Variants in HMGCL observed in about 807,000 individuals in gnomAD.
HMGCL encodes the protein 3-hydroxy-3-methylglutaryl-CoA lyase.
HMGCL carries 26 observed loss-of-function variants against 37.3 expected under a neutral mutation model. That is an observed-to-expected ratio of 0.70 (90% confidence interval 0.51 to 0.97). The LOEUF (loss-of-function observed/expected upper bound fraction) is 0.97. Among genes scored for constraint, HMGCL ranks in the 50% least tolerant of loss-of-function variants. HMGCL has a pLI of 0.00. For synonymous variants in HMGCL, 151 were observed against 148.0 expected, an observed-to-expected ratio of 1.02 and a Z score of -0.15; for missense variants, 379 against 398.1, an observed-to-expected ratio of 0.95 and a Z score of 0.41.
intron 3 of HMGCL, among the ~76,000 whole-genome samples, chr1:23,817,248 G>C (rs1638628545): frequency 6.6e-6 from 1 of 152,182 alleles, no homozygotes. Flanking sequence ...CTGAGGAGGG[G>C]AAGGCCTTAG....
At chr1:23,824,543 C>T (rs940198136) in intron 1 of HMGCL, among the ~76,000 whole-genome samples, 5 of 152,062 alleles carry the variant, frequency 3.3e-5, no homozygotes, top group Admixed American at 2.0e-4. Context: ...TGTATTTTTC[C>T]CTCTATACAG....
At position 23,808,268 on chromosome 1, in the gene HMGCL, A is replaced by G. The variant is rs369793382; in HGVS notation, c.617T>C (p.Ile206Thr). 6.8e-6 allele frequency: 11 copies of G among 1,614,012 alleles called. No individual in the cohort carries two copies. Among genetic ancestry groups the G allele is most frequent in the Middle Eastern group, 3.3e-4 (2 of 6,062 alleles). Reference sequence around the variant, plus strand: ...CATGATCCCTGGGGTGCCCACACCAATGGTGTCCCCCAGGGAGATCTCGTA... The same window carrying G: ...CATGATCCCTGGGGTGCCCACACCAGTGGTGTCCCCCAGGGAGATCTCGTA... ...GCYEISLGDT[I>T]GVGTPGIMKD... Residue 206 changes from isoleucine to threonine, a missense_variant, in exon 7 of 9, where the codon ATT becomes ACT. Transcript: ENST00000374490.
intron 6 of HMGCL, 43 bp from the exon 7 acceptor site, chr1:23,808,366 G>A: frequency 1.3e-6 from 2 of 1,530,402 alleles, no homozygotes; most frequent in Non-Finnish European, 1.8e-6. Flanking sequence ...GAATCCACCA[G>A]CCAGGGGATC....
chr1:23,801,992 T>G lies in HMGCL; in HGVS notation c.*471A>C. The G allele has an allele frequency of 7.0e-6, 3 of 430,322 alleles. No homozygotes were observed. The highest frequency in any genetic ancestry group is 1.2e-5 in the Non-Finnish European group (3 of 243,182). The allele number at this position is 430,322 out of a possible 1,614,324, so 26.7% of individuals were successfully genotyped here. A position where few individuals can be genotyped will look rare whatever the true frequency, so the allele number is the denominator to read the frequency against. On this transcript the variant is annotated 3_prime_UTR_variant, in exon 9 of 9. Coordinates refer to ENST00000374490, the MANE Select transcript of HMGCL (RefSeq NM_000191.3). ...AGTTGGCAGACGGCCACCACGTAGC[T>G]CTCCACTTTCCACAAATGGCCTCTG...
intron 2 of HMGCL, among the ~76,000 whole-genome samples, chr1:23,818,556 A>T (rs902564694): frequency 5.4e-4 from 80 of 149,066 alleles, no homozygotes; most frequent in African/African-American, 1.9e-3. Context: ...TTTCCACAAA[A>T]TTTTTTTTTT....
chr1:23,804,885 C>A (rs1188846220), intron 7 of HMGCL, among the ~76,000 whole-genome samples: 4 of 130,512 alleles, frequency 3.1e-5, no homozygotes, highest in Non-Finnish European at 3.3e-5. Flanking sequence ...TACCCCCCCC[C>A]CACTTACCCC....
rs1426180500 is a variant in HMGCL, at chr1:23,816,038, C to A, written c.348+637G>T. ...GTCTCAAGCCATCCTGTGCCTCAGT[C>A]TCCCGAGTAGCTAGGACTACAGGTG... On this transcript the variant is annotated intron_variant, in intron 4 of 8. Transcript: ENST00000374490. Among the ~76,000 whole-genome samples the A allele has an allele frequency of 6.3e-4, 96 of 151,576 alleles. 1 individual carries two copies. The highest frequency in any genetic ancestry group is 8.8e-5 in the Non-Finnish European group (6 of 67,932).
chr1:23,813,370 A>T (rs1638556881), intron 5 of HMGCL, among the ~76,000 whole-genome samples: 1 of 150,406 alleles, frequency 6.6e-6, no homozygotes, highest in African/African-American at 2.5e-5. Flanking sequence ...AAGTAGATGG[A>T]ATTACAGCTA....
chr1:23,808,742 CTTTTTT>C (rs56215335), intron 6 of HMGCL, among the ~76,000 whole-genome samples: 1 of 104,270 alleles, frequency 9.6e-6, no homozygotes, highest in Non-Finnish European at 1.9e-5. Context: ...TATTTTTTTT[CTTTTTT>C]TTTTTTTTTT....
chr1:23,819,005 C>CCA (rs1215738981), intron 2 of HMGCL, among the ~76,000 whole-genome samples: 1 of 21,090 alleles, frequency 4.7e-5, no homozygotes, highest in East Asian at 1.1e-3. Flanking sequence ...GATGGACGTG[C>CCA]TAAAAAAAAA....
At chr1:23,813,881 T>C (rs1048793421) in intron 5 of HMGCL, 5 of 424,774 alleles carry the variant, frequency 1.2e-5, no homozygotes, top group Non-Finnish European at 2.2e-5. Context: ...GCAGTGGTGC[T>C]ATCATGGCTC....
At chr1:23,809,330 C>A (rs1396411622) in intron 6 of HMGCL, 11 of 150,424 alleles carry the variant, frequency 7.3e-5, no homozygotes, top group African/African-American at 1.2e-4. Context: ...GCTCCGCCTC[C>A]CGGGTTCACG....
chr1:23,815,669 G>A (rs1024643708), intron 4 of HMGCL, among the ~76,000 whole-genome samples: 3 of 151,494 alleles, frequency 2.0e-5, no homozygotes, highest in Non-Finnish European at 2.9e-5. Context: ...CTAATTTTTT[G>A]TATTTTTAGT....
At chr1:23,811,201 C>G (rs1279963879) in intron 5 of HMGCL, among the ~76,000 whole-genome samples, 1 of 152,166 alleles carries the variant, frequency 6.6e-6, no homozygotes, top group African/African-American at 2.4e-5. Context: ...AAACTCAGAA[C>G]AAGAGCTGAG....
chr1:23,808,462 A>AC (rs1638453517), intron 6 of HMGCL, 139 bp from the exon 7 acceptor site: 2 of 751,130 alleles, frequency 2.7e-6, no homozygotes, highest in Non-Finnish European at 4.8e-6. Flanking sequence ...CATGCTCCTC[A>AC]CCACTCCAAC....
At chr1:23,804,654 C>G (rs987768076) in intron 7 of HMGCL, 129 bp from the exon 8 acceptor site, 5 of 1,007,498 alleles carry the variant, frequency 5.0e-6, no homozygotes, top group Admixed American at 2.0e-5. Flanking sequence ...GCTTATGATT[C>G]TGTTGACATG....
At chr1:23,825,004 T>C (rs575104861) in intron 1 of HMGCL, among the ~76,000 whole-genome samples, 94 of 152,212 alleles carry the variant, frequency 6.2e-4, no homozygotes, top group Admixed American at 1.2e-3. Flanking sequence ...AATGGAAGCG[T>C]GTTCTTGATT....
At chr1:23,821,614 G>A (rs575971292) in intron 1 of HMGCL, among the ~76,000 whole-genome samples, 2 of 152,144 alleles carry the variant, frequency 1.3e-5, no homozygotes, top group South Asian at 2.1e-4. Context: ...AGCTATGACT[G>A]TGCCACTACA....
At chr1:23,808,742 C>CT (rs56215335) in intron 6 of HMGCL, among the ~76,000 whole-genome samples, 52 of 104,266 alleles carry the variant, frequency 5.0e-4, no homozygotes, top group South Asian at 1.9e-3. Context: ...TATTTTTTTT[C>CT]TTTTTTTTTT....
Sources: gnomAD v4.1 joint callset for allele counts (sites outside exome capture counted in the v4.1 genomes callset) on GRCh38, gnomAD v4.1.1 for gene constraint, MANE v1.5 for transcripts, NCBI Gene and HGNC (gene_info 2026-07-23, HGNC 2026-07-21) for gene names.